The following GFRAL variants were observed in gnomAD, a reference collection of about 807,000 sequenced individuals.
The protein encoded by GFRAL is GDNF family receptor alpha like, also known as GDNF family receptor alpha-like.
A neutral mutation model predicts 45.4 loss-of-function variants in GFRAL; 36 were observed. The ratio of observed to expected loss-of-function variants is 0.79; its 90% CI spans 0.61 to 1.05. The LOEUF (loss-of-function observed/expected upper bound fraction) is 1.05, where lower values mean the gene tolerates loss of function less well. Among genes scored for constraint, GFRAL ranks in the 50% least tolerant of loss-of-function variants. The pLI is 0.00. For synonymous variants in GFRAL, 166 were observed against 154.1 expected (o/e 1.08, Z -0.57); for missense variants, 507 against 467.5 (o/e 1.08, Z -0.78).
In GFRAL at chr6:55,401,933, T is replaced by G; in HGVS notation, c.*80T>G. 1 of 735,888 alleles carries G rather than the reference T, an allele frequency of 1.4e-6. No homozygotes were observed. The highest frequency in any genetic ancestry group is 2.4e-6 in the Non-Finnish European group (1 of 423,840). The allele number at this position is 735,888 out of a possible 1,614,324, so 45.6% of individuals were successfully genotyped here. ...TCCTCTTTTCTTCTCTCCTCTCCTCTCCTCTCTTCTCCTCTCCTCCCCTCC... is the reference window on the plus strand; with the variant it reads ...TCCTCTTTTCTTCTCTCCTCTCCTCGCCTCTCTTCTCCTCTCCTCCCCTCC... On this transcript the variant is annotated 3_prime_UTR_variant, in exon 9 of 9. Transcript: ENST00000340465.
chr6:55,355,018 T>C (rs1017800434), intron 5 of GFRAL, among the ~76,000 whole-genome samples: 1 of 152,110 alleles, frequency 6.6e-6, no homozygotes, highest in Admixed American at 6.6e-5. Context: ...TATTTTTATA[T>C]ATTAACTTAA....
chr6:55,346,242 G>A (rs1041213724), intron 3 of GFRAL, among the ~76,000 whole-genome samples: 8 of 152,180 alleles, frequency 5.3e-5, no homozygotes, highest in South Asian at 2.1e-4. Flanking sequence ...ACATGCACAC[G>A]TATGTTTACT....
intron 6 of GFRAL, among the ~76,000 whole-genome samples, chr6:55,360,054 A>G (rs995499721): frequency 9.9e-5 from 15 of 152,142 alleles, no homozygotes; most frequent in African/African-American, 3.4e-4. Flanking sequence ...GTTATTGTTT[A>G]ATTTAGGGAC....
chr6:55,365,116 G>A (rs1371509614), intron 6 of GFRAL, among the ~76,000 whole-genome samples: 1 of 151,420 alleles, frequency 6.6e-6, no homozygotes, highest in Non-Finnish European at 1.5e-5. Flanking sequence ...TTATTTCCTT[G>A]AGGAGTGGTT....
intron 3 of GFRAL, among the ~76,000 whole-genome samples, chr6:55,342,211 A>G (rs1360190078): frequency 6.6e-6 from 1 of 152,202 alleles, no homozygotes; most frequent in Non-Finnish European, 1.5e-5. Flanking sequence ...CAACTCCAAG[A>G]CACATAATTG....
intron 6 of GFRAL, among the ~76,000 whole-genome samples, chr6:55,371,183 T>C (rs554428298): frequency 6.6e-6 from 1 of 152,364 alleles, no homozygotes; most frequent in East Asian, 1.9e-4. Flanking sequence ...TCTATAATTA[T>C]TTCTAGGTAT....
At chr6:55,354,005 T>C (rs963400716) in intron 5 of GFRAL, among the ~76,000 whole-genome samples, 4 of 152,022 alleles carry the variant, frequency 2.6e-5, no homozygotes, top group African/African-American at 9.7e-5. Flanking sequence ...ATGGTTTCAA[T>C]AGCAAAATCA....
chr6:55,395,229 G>C (rs965455071), intron 6 of GFRAL, among the ~76,000 whole-genome samples: 12 of 147,914 alleles, frequency 8.1e-5, no homozygotes, highest in Middle Eastern at 7.1e-3. Flanking sequence ...ATTTTCCAAA[G>C]GGTAGCCATA....
At chr6:55,394,536 G>C (rs1460743692) in intron 6 of GFRAL, among the ~76,000 whole-genome samples, 3 of 152,148 alleles carry the variant, frequency 2.0e-5, no homozygotes, top group Admixed American at 2.0e-4. Flanking sequence ...AGTGAAATGG[G>C]TTGAGGATCA....
chr6:55,374,255 G>A (rs1445629502), intron 6 of GFRAL, among the ~76,000 whole-genome samples: 5 of 152,074 alleles, frequency 3.3e-5, no homozygotes, highest in Admixed American at 2.6e-4. Context: ...ATTCCTTTGA[G>A]TATATACCCA....
In GFRAL at chr6:55,402,012, T is replaced by G. The variant is rs1490064568; in HGVS notation, c.*159T>G. 1.5e-5 allele frequency: 8 copies of G among 546,530 alleles called. No homozygotes were observed. Among genetic ancestry groups the G allele is most frequent in the Non-Finnish European group, 2.5e-5 (8 of 315,342 alleles). The allele number at this position is 546,530 out of a possible 1,614,324, so 33.9% of individuals were successfully genotyped here. On this transcript the variant is annotated 3_prime_UTR_variant, in exon 9 of 9. Transcript: ENST00000340465. ...CTTTTTTGTGGCGGAGTTTTGCTCT[T>G]GTTGCCCAGGCTGCAGTACAATGGC...
chr6:55,347,741 G>T (rs1768062453), intron 3 of GFRAL, among the ~76,000 whole-genome samples: 2 of 152,102 alleles, frequency 1.3e-5, no homozygotes, highest in Non-Finnish European at 2.9e-5. Context: ...TGAGGCTAGA[G>T]AAAATCTAGG....
chr6:55,367,746 C>T (rs1768385298), intron 6 of GFRAL, among the ~76,000 whole-genome samples: 1 of 151,394 alleles, frequency 6.6e-6, no homozygotes, highest in South Asian at 2.1e-4. Context: ...AAATTCTTTT[C>T]TTTAAGAATG....
chr6:55,381,931 T>A (rs1304698089), intron 6 of GFRAL, among the ~76,000 whole-genome samples: 1 of 151,898 alleles, frequency 6.6e-6, no homozygotes, highest in African/African-American at 2.4e-5. Context: ...AATAAATTAG[T>A]ATTTCAGGAG....
chr6:55,384,974 A>G (rs1768660477), intron 6 of GFRAL, among the ~76,000 whole-genome samples: 1 of 151,972 alleles, frequency 6.6e-6, no homozygotes, highest in African/African-American at 2.4e-5. Flanking sequence ...TCTTTAGAAT[A>G]GAGGTGGAGC....
intron 3 of GFRAL, among the ~76,000 whole-genome samples, chr6:55,342,666 A>C (rs889153867): frequency 6.6e-6 from 1 of 152,052 alleles, no homozygotes; most frequent in African/African-American, 2.4e-5. Context: ...GATCAAATTC[A>C]CACATAACAA....
intron 6 of GFRAL, among the ~76,000 whole-genome samples, chr6:55,361,721 A>G (rs1768278076): frequency 6.6e-6 from 1 of 152,118 alleles, no homozygotes; most frequent in Non-Finnish European, 1.5e-5. Flanking sequence ...GCACAAGGAC[A>G]TTTGCTGAAG....
At chr6:55,389,969 G>T (rs921234610) in intron 6 of GFRAL, among the ~76,000 whole-genome samples, 3 of 152,190 alleles carry the variant, frequency 2.0e-5, no homozygotes, top group Admixed American at 1.3e-4. Flanking sequence ...GAATATGGTG[G>T]ACTTTAAAAT....
intron 6 of GFRAL, among the ~76,000 whole-genome samples, chr6:55,361,350 T>C (rs1768272865): frequency 6.6e-6 from 1 of 151,990 alleles, no homozygotes; most frequent in Non-Finnish European, 1.5e-5. Flanking sequence ...GTCCCTGATA[T>C]AAAATGGTGT....
Sources: allele counts gnomAD v4.1 joint callset (sites outside exome capture counted in the v4.1 genomes callset), GRCh38; gene constraint gnomAD v4.1.1; transcripts MANE v1.5; gene names NCBI Gene and HGNC (gene_info 2026-07-23, HGNC 2026-07-21).